Variants in UQCR10 observed in about 807,000 individuals in gnomAD.
The protein encoded by UQCR10 is ubiquinol-cytochrome c reductase, complex III subunit X.
A neutral mutation model predicts 6.0 loss-of-function variants in UQCR10; 5 were observed. That is an observed-to-expected ratio of 0.83 (90% CI 0.43 to 1.74). The LOEUF (loss-of-function observed/expected upper bound fraction) is 1.74, where lower values mean the gene tolerates loss of function less well. UQCR10 is among the 40% of genes most tolerant of loss of function. The probability of loss-of-function intolerance (pLI) is 0.02; values close to 1 mark genes in which losing one functional copy is unlikely to be tolerated. For synonymous variants in UQCR10, 40 were observed against 37.4 expected (o/e 1.07, Z -0.26); for missense variants, 101 against 85.1 (o/e 1.19, Z -0.74).
intron 1 of UQCR10, among the ~76,000 whole-genome samples, chr22:29,768,632 G>GTT (rs368297891): frequency 1.3e-4 from 19 of 144,064 alleles, no homozygotes; most frequent in African/African-American, 3.4e-4. Flanking sequence ...TTTTTGTTTT[G>GTT]TTTTGTTTTT....
Position 29,769,713 on chromosome 22 carries a change from C to T in UQCR10, c.186C>T (p.Asn62=), listed in dbSNP as rs754039485. 12 of 1,608,328 alleles carry T rather than the reference C, an allele frequency of 7.5e-6. No homozygotes were observed. Among genetic ancestry groups the T allele is most frequent in the South Asian group, 1.1e-5 (1 of 89,676 alleles). Residue 62 remains asparagine (N), a synonymous_variant, in exon 2 of 2, where the codon AAC becomes AAT. Transcript: ENST00000330029. ...LWKHIKHKYE[N]K ...AACACATCAAGCACAAGTATGAGAA[C>T]AAGTAGTTCCTTGGAGGCCCCCATC...
In UQCR10 at chr22:29,769,822, C is replaced by T. The variant is rs974758212; in HGVS notation, c.*103C>T. On this transcript the variant is annotated 3_prime_UTR_variant, in exon 2 of 2. Coordinates refer to ENST00000330029, the MANE Select transcript of UQCR10 (RefSeq NM_013387.4). ...TGAAGATGATGCTCAAGGTACTCTT[C>T]ATGGACCACCATTCGCTGTTGGCAA... 3.9e-6 allele frequency: 5 copies of T among 1,292,534 alleles called. No homozygotes were observed. The highest frequency in any genetic ancestry group is 3.3e-6 in the Non-Finnish European group (3 of 910,760). The allele number at this position is 1,292,534 out of a possible 1,614,324, so 80.1% of individuals were successfully genotyped here.
intron 1 of UQCR10, among the ~76,000 whole-genome samples, chr22:29,769,267 C>T (rs1198397295): frequency 6.6e-6 from 1 of 152,090 alleles, no homozygotes; most frequent in East Asian, 1.9e-4. Context: ...TTTGGGAGGC[C>T]AAGGCAGGCA....
Position 29,769,787 on chromosome 22 carries a change from A to G in UQCR10, c.*68A>G. On this transcript the variant is annotated 3_prime_UTR_variant, in exon 2 of 2. Transcript: ENST00000330029. ...CCAGCAGCTGTTTGCCCAGAGCTGG[A>G]GCCTCAGCTTGAAGATGATGCTCAA... The G allele has an allele frequency of 6.5e-7, 1 of 1,541,100 alleles. No individual in the cohort carries two copies. The highest frequency in any genetic ancestry group is 8.8e-7 in the Non-Finnish European group (1 of 1,130,064).
chr22:29,769,225 G>A (rs766432868), intron 1 of UQCR10, among the ~76,000 whole-genome samples: 1 of 152,052 alleles, frequency 6.6e-6, no homozygotes, highest in African/African-American at 2.4e-5. Context: ...ATGAAGGCTC[G>A]GCGCGGTGGC....
Position 29,769,833 on chromosome 22 carries a change from A to G in UQCR10, c.*114A>G. The G allele has an allele frequency of 1.6e-6, 2 of 1,243,468 alleles. No individual in the cohort carries two copies. Among genetic ancestry groups the G allele is most frequent in the Non-Finnish European group, 2.3e-6 (2 of 866,840 alleles). The allele number at this position is 1,243,468 out of a possible 1,614,324, so 77.0% of individuals were successfully genotyped here. On this transcript the variant is annotated 3_prime_UTR_variant, in exon 2 of 2. Transcript: ENST00000330029. ...CTCAAGGTACTCTTCATGGACCACC[A>G]TTCGCTGTTGGCAAGAAACGGCTTT...
At position 29,769,665 on chromosome 22, in the gene UQCR10, C is replaced by T. The variant is rs1212622784; in HGVS notation, c.151-13C>T. ...AAAGGTCAAAGTTTGTGGCTCTTGT[C>T]TTTAAAATGCAGAAGCTGTGGAAAC... On this transcript the variant is annotated splice_polypyrimidine_tract_variant and intron_variant, in intron 1 of 1. Transcript: ENST00000330029. The T allele has an allele frequency of 1.2e-6, 2 of 1,605,640 alleles. No individual in the cohort carries two copies. The highest frequency in any genetic ancestry group is 8.5e-7 in the Non-Finnish European group (1 of 1,176,060).
chr22:29,768,215 C>T (rs2068237844), intron 1 of UQCR10, among the ~76,000 whole-genome samples: 1 of 152,150 alleles, frequency 6.6e-6, no homozygotes, highest in South Asian at 2.1e-4. Flanking sequence ...GTGCCACATG[C>T]CTGGTAGGTG....
In UQCR10 at chr22:29,769,762, C is replaced by T; in HGVS notation, c.*43C>T. The T allele has an allele frequency of 1.1e-5, 17 of 1,590,338 alleles. No homozygotes were observed. The highest frequency in any genetic ancestry group is 1.5e-5 in the Non-Finnish European group (17 of 1,167,996). On this transcript the variant is annotated 3_prime_UTR_variant, in exon 2 of 2. Coordinates refer to ENST00000330029, the MANE Select transcript of UQCR10 (RefSeq NM_013387.4). The stretch of plus-strand genomic sequence containing the variant: ...TCCAGGCCAGAAGGACCAGGTCCAC[C>T]CAGCAGCTGTTTGCCCAGAGCTGGA...
At position 29,769,810 on chromosome 22, in the gene UQCR10, C is replaced by A; in HGVS notation, c.*91C>A. The A allele has an allele frequency of 7.1e-7, 1 of 1,417,228 alleles. No individual in the cohort carries two copies. The highest frequency in any genetic ancestry group is 9.8e-7 in the Non-Finnish European group (1 of 1,022,714). 87.8% of individuals were successfully genotyped at this position (1,417,228 alleles called of 1,614,324 possible). A position where few individuals can be genotyped will look rare whatever the true frequency, so the allele number is the denominator to read the frequency against. On this transcript the variant is annotated 3_prime_UTR_variant, in exon 2 of 2. Coordinates refer to ENST00000330029, the MANE Select transcript of UQCR10 (RefSeq NM_013387.4). The stretch of plus-strand genomic sequence containing the variant: ...GGAGCCTCAGCTTGAAGATGATGCT[C>A]AAGGTACTCTTCATGGACCACCATT...
chr22:29,767,474 A>G lies in UQCR10; in HGVS notation c.76A>G (p.Ile26Val). Residue 26 changes from isoleucine to valine, a missense_variant, in exon 1 of 2, where the codon ATC (isoleucine) becomes GTC (valine). Physicochemically the swap from Ile to Val is conservative, Grantham distance 29. Coordinates refer to ENST00000330029, the MANE Select transcript of UQCR10 (RefSeq NM_013387.4). Reference protein sequence around the residue: ...RRTSTFALTIIVGVMFFERAF... With the variant: ...RRTSTFALTIVVGVMFFERAF... ...GACCTCCACCTTCGCCCTCACCATC[A>G]TCGTGGGCGTCATGTTCTTCGAGCG... is the stretch of plus-strand genomic sequence containing the variant. The G allele has an allele frequency of 6.2e-7, 1 of 1,613,954 alleles. No individual in the cohort carries two copies. Among genetic ancestry groups the G allele is most frequent in the Non-Finnish European group, 8.5e-7 (1 of 1,179,868 alleles).
At chr22:29,769,160 A>C (rs2068246721) in intron 1 of UQCR10, among the ~76,000 whole-genome samples, 1 of 152,086 alleles carries the variant, frequency 6.6e-6, no homozygotes, top group Non-Finnish European at 1.5e-5. Context: ...CTTTCCACTT[A>C]CTTCACCTGG....
In UQCR10 at chr22:29,769,913, A is replaced by C; in HGVS notation, c.*194A>C. The C allele has an allele frequency of 1.4e-6, 1 of 732,898 alleles. No individual in the cohort carries two copies. The highest frequency in any genetic ancestry group is 2.4e-6 in the Non-Finnish European group (1 of 411,012). 45.4% of individuals were successfully genotyped at this position (732,898 alleles called of 1,614,324 possible). On this transcript the variant is annotated 3_prime_UTR_variant, in exon 2 of 2. Transcript: ENST00000330029. Reference sequence around the variant, plus strand: ...TGTGTTTGAAGTATGTTTAGTCAGCATGCTCAGGAAATAAATGTGAATTGC... The same window carrying C: ...TGTGTTTGAAGTATGTTTAGTCAGCCTGCTCAGGAAATAAATGTGAATTGC...
chr22:29,767,736 A>G (rs949508759), intron 1 of UQCR10, 188 bp downstream of exon 1: 5 of 925,344 alleles, frequency 5.4e-6, no homozygotes, highest in South Asian at 2.0e-5. Context: ...CGAGGTTAAT[A>G]TATTTCATTT....
Position 29,769,689 on chromosome 22 carries a change from A to C in UQCR10, c.162A>C (p.Lys54Asn). ...YDHINEGKLW[K>N]HIKHKYENK ...TCTTTAAAATGCAGAAGCTGTGGAA[A>C]CACATCAAGCACAAGTATGAGAACA... The change falls in exon 2 of 2, where the codon AAA (lysine) becomes AAC (asparagine). Residue 54 changes from lysine (K) to asparagine (N), a missense_variant. Lys to Asn is a moderately conservative substitution (Grantham distance 94). Coordinates refer to ENST00000330029, the MANE Select transcript of UQCR10 (RefSeq NM_013387.4). The C allele has an allele frequency of 6.2e-7, 1 of 1,609,684 alleles. No homozygotes were observed. Among genetic ancestry groups the C allele is most frequent in the Non-Finnish European group, 8.5e-7 (1 of 1,178,084 alleles).
intron 1 of UQCR10, among the ~76,000 whole-genome samples, chr22:29,768,897 G>C (rs2147245971): frequency 6.6e-6 from 1 of 152,312 alleles, no homozygotes; most frequent in Non-Finnish European, 1.5e-5. Context: ...AAAGTACTGG[G>C]ATTACAGGCG....
Position 29,770,128 on chromosome 22 carries a change from A to C in UQCR10, c.*409A>C, listed in dbSNP as rs1256912357. On this transcript the variant is annotated 3_prime_UTR_variant, in exon 2 of 2. Transcript: ENST00000330029. The stretch of plus-strand genomic sequence containing the variant: ...GCCAGAGTTGGAGATATTACAGTCA[A>C]CTTTGGCTTCTAAGCCAGTAATTCC... The C allele has an allele frequency of 2.7e-6, 1 of 364,510 alleles. No homozygotes were observed. Among genetic ancestry groups the C allele is most frequent in the African/African-American group, 2.1e-5 (1 of 47,016 alleles). 22.6% of individuals were successfully genotyped at this position (364,510 alleles called of 1,614,324 possible).
Position 29,767,549 on chromosome 22 carries a change from G to T in UQCR10, c.150+1G>T. The T allele has an allele frequency of 6.9e-7, 1 of 1,450,220 alleles. No individual in the cohort carries two copies. The highest frequency in any genetic ancestry group is 9.6e-7 in the Non-Finnish European group (1 of 1,045,794). The allele number at this position is 1,450,220 out of a possible 1,614,324, so 89.8% of individuals were successfully genotyped here. A position where few individuals can be genotyped will look rare whatever the true frequency, so the allele number is the denominator to read the frequency against. ...TATCTACGACCACATCAACGAGGGG[G>T]TGAGGGCCTGTGCCATCCCTGACCT... On this transcript the variant is annotated splice_donor_variant, in intron 1 of 1. Coordinates refer to ENST00000330029, the MANE Select transcript of UQCR10 (RefSeq NM_013387.4). LOFTEE classifies it high-confidence loss of function.
At chr22:29,767,649 G>C (rs920500318) in intron 1 of UQCR10, 101 bp downstream of exon 1, 2 of 1,448,568 alleles carry the variant, frequency 1.4e-6, no homozygotes, top group Non-Finnish European at 1.8e-6. Context: ...AAGGGGGTAA[G>C]GGGTAAACCG....
Sources: gnomAD v4.1 joint callset for allele counts (sites outside exome capture counted in the v4.1 genomes callset) on GRCh38, gnomAD v4.1.1 for gene constraint, MANE v1.5 for transcripts, NCBI Gene and HGNC (gene_info 2026-07-23, HGNC 2026-07-21) for gene names.